CTNS: variants seen among roughly 807,000 people sequenced by gnomAD.
The protein encoded by CTNS is cystinosin, lysosomal cystine transporter.
A neutral mutation model predicts 43.7 loss-of-function variants in CTNS; 27 were observed. That is an observed-to-expected ratio of 0.62 (90% CI 0.46 to 0.85). The LOEUF is 0.85. Among genes scored for constraint, CTNS ranks in the 40% least tolerant of loss-of-function variants. The pLI is 0.00. For synonymous variants in CTNS, 187 were observed against 190.6 expected (o/e 0.98, Z 0.16); for missense variants, 457 against 475.4 (o/e 0.96, Z 0.36).
Position 3,655,305 on chromosome 17 carries a change from G to A in CTNS, c.414G>A (p.Trp138Ter), listed in dbSNP as rs113994205. 111 of 1,614,042 alleles carry A rather than the reference G, an allele frequency of 6.9e-5. No homozygotes were observed. Among genetic ancestry groups the A allele is most frequent in the Non-Finnish European group, 9.2e-5 (109 of 1,180,042 alleles). ...QVIGWIYFVA[W>*]SISFYPQVIM... ...TTGGCTGGATCTACTTTGTGGCCTGGTCCATCTCCTTCTACCCTCAGGTGA... is the reference window on the plus strand; with the variant it reads ...TTGGCTGGATCTACTTTGTGGCCTGATCCATCTCCTTCTACCCTCAGGTGA... The change falls in exon 7 of 12, where the codon TGG (tryptophan) becomes TGA (stop). Residue 138 changes from tryptophan (W) to a stop codon, truncating the protein, a stop_gained. Coordinates refer to ENST00000046640, the MANE Select transcript of CTNS (RefSeq NM_004937.3). LOFTEE classifies it high-confidence loss of function.
Position 3,659,990 on chromosome 17 carries a change from G to T in CTNS, c.970+15G>T, listed in dbSNP as rs76153698. 6.3e-7 allele frequency: 1 copy of T among 1,596,830 alleles called. No homozygotes were observed. The highest frequency in any genetic ancestry group is 2.2e-5 in the East Asian group (1 of 44,818). ...CTACAACAACGGTGAGTCAGCCAGC[G>T]GGCTGCTGGCCACCCTGCGGCTGGG... is the stretch of plus-strand genomic sequence containing the variant. On this transcript the variant is annotated intron_variant, in intron 11 of 11. Transcript: ENST00000046640.
At chr17:3,638,930 G>A (rs373199955) in intron 2 of CTNS, among the ~76,000 whole-genome samples, 15 of 152,290 alleles carry the variant, frequency 9.8e-5, no homozygotes, top group African/African-American at 3.6e-4. Context: ...ATTCCCGGCC[G>A]GTGAGAAGGG....
chr17:3,643,212 G>T (rs2075763047), intron 3 of CTNS, among the ~76,000 whole-genome samples: 1 of 151,992 alleles, frequency 6.6e-6, no homozygotes, highest in Non-Finnish European at 1.5e-5. Flanking sequence ...TACTCGGGAG[G>T]CTGAGACAGG....
rs1246466331 is a variant in CTNS, at chr17:3,660,679, A to G, written c.*310A>G. The G allele has an allele frequency of 4.4e-5, 71 of 1,613,524 alleles. No homozygotes were observed. Among genetic ancestry groups the G allele is most frequent in the Non-Finnish European group, 5.8e-5 (69 of 1,179,932 alleles). ...AGGCAGGACTGGGCACCAAGCTTGC[A>G]GCCGAAGGCCTTGCCCCAAACTACC... On this transcript the variant is annotated 3_prime_UTR_variant, in exon 12 of 12. Transcript: ENST00000046640.
At chr17:3,652,027 T>C (rs2075999749) in intron 5 of CTNS, among the ~76,000 whole-genome samples, 1 of 149,318 alleles carries the variant, frequency 6.7e-6, no homozygotes, top group South Asian at 2.1e-4. Flanking sequence ...AAACCATTGG[T>C]GTGAGATGGC....
chr17:3,660,991 T>C lies in CTNS; in HGVS notation c.*622T>C, dbSNP rs1200850028. ...CATGAGGGGCCCACCAGATTGGTTC[T>C]GAATTGGATTCATGCCCAGCGCATT... On this transcript the variant is annotated 3_prime_UTR_variant, in exon 12 of 12. Coordinates refer to ENST00000046640, the MANE Select transcript of CTNS (RefSeq NM_004937.3). 1.8e-6 allele frequency: 1 copy of C among 568,556 alleles called. No individual in the cohort carries two copies. The highest frequency in any genetic ancestry group is 3.1e-5 in the East Asian group (1 of 31,930). The allele number at this position is 568,556 out of a possible 1,614,324, so 35.2% of individuals were successfully genotyped here.
At chr17:3,638,981 C>G (rs775140269) in intron 2 of CTNS, among the ~76,000 whole-genome samples, 2 of 152,106 alleles carry the variant, frequency 1.3e-5, no homozygotes, top group African/African-American at 2.4e-5. Flanking sequence ...AGAGAGAACC[C>G]TGGAGGAGAC....
At chr17:3,658,312 C>T (rs796087586) in intron 10 of CTNS, 137 bp downstream of exon 10, 18 of 1,229,290 alleles carry the variant, frequency 1.5e-5, no homozygotes, top group African/African-American at 4.5e-5. Flanking sequence ...GGGAGCCCAG[C>T]GGGAGCGGGG....
chr17:3,644,379 A>G (rs1408964126), intron 3 of CTNS, among the ~76,000 whole-genome samples: 1 of 152,164 alleles, frequency 6.6e-6, no homozygotes, highest in African/African-American at 2.4e-5. Flanking sequence ...TGAGCACCTC[A>G]GTTTTCTGTG....
chr17:3,641,355 G>GAGATAGATATATATATATAT (rs777820533), intron 3 of CTNS, among the ~76,000 whole-genome samples: 1 of 64,022 alleles, frequency 1.6e-5, no homozygotes, highest in African/African-American at 8.1e-5. Flanking sequence ...ACAAAAATCA[G>GAGATAGATATATATATATAT]ATACATATAT....
At chr17:3,654,291 A>G (rs903809733) in intron 5 of CTNS, among the ~76,000 whole-genome samples, 4 of 152,174 alleles carry the variant, frequency 2.6e-5, no homozygotes, top group African/African-American at 9.7e-5. Flanking sequence ...CCAAGGTGAC[A>G]TGTCCAGTAA....
intron 3 of CTNS, among the ~76,000 whole-genome samples, chr17:3,641,373 TATATATATA>T (rs1420856309): frequency 1.5e-4 from 7 of 47,714 alleles, no homozygotes; most frequent in African/African-American, 2.4e-4. Flanking sequence ...TATATATATA[TATATATATA>T]TATTTTTTTT....
chr17:3,650,220 A>G (rs1216527997), intron 5 of CTNS: 20 of 1,550,488 alleles, frequency 1.3e-5, no homozygotes, highest in Non-Finnish European at 1.7e-5. Context: ...ATCAGTAGCC[A>G]TGAGGCACAT....
chr17:3,651,281 G>T (rs982208081), intron 5 of CTNS, among the ~76,000 whole-genome samples: 15 of 152,100 alleles, frequency 9.9e-5, no homozygotes, highest in Non-Finnish European at 1.5e-4. Context: ...TTTTAGTAGA[G>T]ATGGGGTTTC....
At position 3,656,751 on chromosome 17, in the gene CTNS, G is replaced by A; in HGVS notation, c.637G>A (p.Val213Ile). Reference protein sequence around the residue: ...SNDVFFSLHAVVLTLIIIVQC... With the variant: ...SNDVFFSLHAIVLTLIIIVQC... ...CGACGTCTTCTTCAGCCTGCACGCG[G>A]TTGTCCTCACGCTGATCATCATCGT... Residue 213 changes from valine to isoleucine, a missense_variant, in exon 9 of 12, where the codon GTT (valine) becomes ATT (isoleucine). Val to Ile is a conservative substitution (Grantham distance 29). Transcript: ENST00000046640. The A allele has an allele frequency of 6.2e-7, 1 of 1,613,454 alleles. No individual in the cohort carries two copies. The highest frequency in any genetic ancestry group is 8.5e-7 in the Non-Finnish European group (1 of 1,179,990).
At chr17:3,657,750 A>C (rs1597658044) in intron 9 of CTNS, 1 of 565,938 alleles carries the variant, frequency 1.8e-6, no homozygotes, top group Non-Finnish European at 3.2e-6. Flanking sequence ...AAGCAGCCTG[A>C]ACAGGAGGCC....
intron 5 of CTNS, chr17:3,650,216 A>G: frequency 6.4e-7 from 1 of 1,550,586 alleles, no homozygotes; most frequent in Non-Finnish European, 8.7e-7. Context: ...TGAGATCAGT[A>G]GCCATGAGGC....
rs1179007761 is a variant in CTNS, at chr17:3,648,851, C to T, written c.145C>T (p.Pro49Ser). The change falls in exon 5 of 12, where the codon CCA becomes TCA. Residue 49 changes from proline to serine, a missense_variant. By Grantham distance (74) the Pro-to-Ser change is moderately conservative. Transcript: ENST00000046640. ...STNVSLTLRP[P>S]LNATLVITFE... is the part of the protein sequence containing the mutation. ...TTAGACTCTTGTCCTCCACAGGCCACCATTAAATGCAACCCTGGTGATCAC... is the reference window on the plus strand; with the variant it reads ...TTAGACTCTTGTCCTCCACAGGCCATCATTAAATGCAACCCTGGTGATCAC... The T allele has an allele frequency of 2.5e-6, 4 of 1,613,318 alleles. No homozygotes were observed. The highest frequency in any genetic ancestry group is 3.4e-6 in the Non-Finnish European group (4 of 1,179,356).
intron 3 of CTNS, among the ~76,000 whole-genome samples, chr17:3,644,912 A>G (rs925891656): frequency 3.0e-4 from 46 of 152,192 alleles, no homozygotes; most frequent in African/African-American, 1.0e-3. Flanking sequence ...TCAACCTCCT[A>G]TATGCAAAGA....
Sources: allele counts gnomAD v4.1 joint callset (sites outside exome capture counted in the v4.1 genomes callset), GRCh38; gene constraint gnomAD v4.1.1; transcripts MANE v1.5; gene names NCBI Gene and HGNC (gene_info 2026-07-23, HGNC 2026-07-21).